MCF2L: variants seen among roughly 807,000 people sequenced by gnomAD.
MCF2L encodes the protein MCF.2 cell line derived transforming sequence like.
Under a neutral mutation model 153.4 loss-of-function variants are expected in MCF2L, and 97 were observed. The ratio of observed to expected loss-of-function variants is 0.63; its 90% CI spans 0.54 to 0.75. MCF2L has a LOEUF of 0.75. Ranked by LOEUF, MCF2L falls within the 30% of genes least tolerant of loss-of-function variation. MCF2L has a pLI of 0.00. For missense variants in MCF2L, 1,347 were observed against 1,495.2 expected (o/e 0.90, Z 1.64); for synonymous variants, 659 against 632.2 (o/e 1.04, Z -0.64).
Position 113,053,656 on chromosome 13 carries a change from T to C in MCF2L, c.370-6937T>C, listed in dbSNP as rs977504388. The stretch of plus-strand genomic sequence containing the variant: ...GAGGTGTCCACTGACCGTTTCTGCC[T>C]GAATGGGTGGTTCGGTGGTGGTTGC... On this transcript the variant is annotated intron_variant, in intron 4 of 29. Transcript: ENST00000535094. The surrounding 1 kb of genome is among the most constrained non-coding windows in gnomAD (Gnocchi z 4.4). Among the ~76,000 whole-genome samples, 14 of 152,196 alleles carry C rather than the reference T, an allele frequency of 9.2e-5. No individual in the cohort carries two copies. Among genetic ancestry groups the C allele is most frequent in the Admixed American group, 3.3e-4 (5 of 15,278 alleles).
intron 2 of MCF2L, among the ~76,000 whole-genome samples, chr13:112,935,604 C>A (rs767385959): frequency 2.0e-5 from 3 of 152,180 alleles, no homozygotes; most frequent in Non-Finnish European, 4.4e-5. Context: ...TTTTGCCCAA[C>A]CGTAGCCTCA....
chr13:112,909,240 G>T (rs1395585880), intron 2 of MCF2L: 4 of 779,692 alleles, frequency 5.1e-6, no homozygotes, highest in African/African-American at 3.4e-5. Flanking sequence ...TCCCTTGCTT[G>T]TGATTCCAGC....
rs937297061 is a variant in MCF2L at position 112,969,299 on chromosome 13, C to T, written c.-81C>T. 4 of 1,527,278 alleles carry T rather than the reference C, an allele frequency of 2.6e-6. No homozygotes were observed. Among genetic ancestry groups the T allele is most frequent in the Admixed American group, 4.0e-5 (2 of 50,246 alleles). 94.6% of individuals were successfully genotyped at this position (1,527,278 alleles called of 1,614,324 possible). A position where few individuals can be genotyped will look rare whatever the true frequency, so the allele number is the denominator to read the frequency against. On this transcript the variant is annotated 5_prime_UTR_variant, in exon 1 of 30. Coordinates refer to ENST00000535094, the MANE Select transcript of MCF2L (RefSeq NM_001112732.3). The surrounding 1 kb of genome is among the most constrained non-coding windows in gnomAD (Gnocchi z 4.8). ...CTCCCCGCCTCCGCCGCGCCCCCTC[C>T]GCACTCGCACGGCCCCACCCGCAGG...
At chr13:112,896,403 C>G (rs7985211) in intron 1 of MCF2L, among the ~76,000 whole-genome samples, 125,290 of 151,888 alleles carry the variant, frequency 0.82, 52,880 homozygotes, top group South Asian at 0.96. Context: ...GGAATCTGAA[C>G]GTTTATTTTG....
intron 3 of MCF2L, among the ~76,000 whole-genome samples, chr13:113,038,460 A>G (rs1408194577): frequency 2.7e-5 from 2 of 74,256 alleles, no homozygotes; most frequent in Non-Finnish European, 5.8e-5. Flanking sequence ...GCGAGCCTCC[A>G]TCTCAAAAAA....
chr13:112,903,977 G>GA (rs2081145533), intron 2 of MCF2L, among the ~76,000 whole-genome samples: 1 of 152,160 alleles, frequency 6.6e-6, no homozygotes, highest in African/African-American at 2.4e-5. Context: ...TGGCTGCCCT[G>GA]ACCTCTGCAA....
chr13:112,915,839 T>C (rs755119895), intron 2 of MCF2L, among the ~76,000 whole-genome samples: 2 of 152,148 alleles, frequency 1.3e-5, no homozygotes, highest in Non-Finnish European at 2.9e-5. Flanking sequence ...CTATTCAATA[T>C]TATACTGGCC....
At chr13:113,018,085 CCACGCAGAA>C (rs1177000378) in intron 2 of MCF2L, among the ~76,000 whole-genome samples, 1 of 152,206 alleles carries the variant, frequency 6.6e-6, no homozygotes, top group Admixed American at 6.5e-5. Flanking sequence ...CGCACAGGTG[CCACGCAGAA>C]CCCTACAGCT....
intron 1 of MCF2L, among the ~76,000 whole-genome samples, chr13:112,971,569 G>A (rs1279004215): frequency 6.6e-6 from 1 of 152,172 alleles, no homozygotes; most frequent in Non-Finnish European, 1.5e-5. Context: ...CTTTGCTGCT[G>A]TCCAGGACAT....
chr13:113,078,766 CA>C, intron 15 of MCF2L, 27 bp downstream of exon 15: 1 of 1,574,108 alleles, frequency 6.4e-7, no homozygotes, highest in Non-Finnish European at 8.6e-7. Context: ...TCTGTCCTCA[CA>C]GGGGCCCTCC....
intron 2 of MCF2L, among the ~76,000 whole-genome samples, chr13:113,016,329 G>A (rs1445098855): frequency 3.3e-5 from 5 of 152,172 alleles, no homozygotes; most frequent in Non-Finnish European, 5.9e-5. Flanking sequence ...AGGAGGCAGA[G>A]GCCGCCTGAC....
At chr13:113,023,277 T>TGAGAA (rs2085013441) in intron 2 of MCF2L, among the ~76,000 whole-genome samples, 1 of 152,072 alleles carries the variant, frequency 6.6e-6, no homozygotes, top group Non-Finnish European at 1.5e-5. Context: ...TGAGAACAAT[T>TGAGAA]GTATCAGATA....
chr13:113,033,630 A>AT, intron 3 of MCF2L, among the ~76,000 whole-genome samples: 1 of 151,952 alleles, frequency 6.6e-6, no homozygotes, highest in South Asian at 2.1e-4. Context: ...CAGCTGGGTG[A>AT]TTTCCCCCCC....
chr13:113,064,693 G>C lies in MCF2L; in HGVS notation c.607-243G>C, dbSNP rs549701605. 1.7e-6 allele frequency: 1 copy of C among 594,784 alleles called. No homozygotes were observed. The highest frequency in any genetic ancestry group is 3.0e-6 in the Non-Finnish European group (1 of 336,366). The allele number at this position is 594,784 out of a possible 1,614,324, so 36.8% of individuals were successfully genotyped here. ...GTTTGCAACACTCACTGCTCTCAACGGGGAGAGGCAGCGCAGGCACAGGCG... is the reference window on the plus strand; with the variant it reads ...GTTTGCAACACTCACTGCTCTCAACCGGGAGAGGCAGCGCAGGCACAGGCG... On this transcript the variant is annotated intron_variant, in intron 6 of 29. Coordinates refer to ENST00000535094, the MANE Select transcript of MCF2L (RefSeq NM_001112732.3). The surrounding 1 kb of genome is among the most constrained non-coding windows in gnomAD (Gnocchi z 6.0).
rs969199344 is a variant in MCF2L, at chr13:113,046,732, C to T, written c.369+1371C>T. The T allele has an allele frequency of 6.1e-6, 3 of 491,830 alleles. No homozygotes were observed. Among genetic ancestry groups the T allele is most frequent in the Non-Finnish European group, 1.3e-5 (3 of 238,796 alleles). The allele number at this position is 491,830 out of a possible 1,614,324, so 30.5% of individuals were successfully genotyped here. On this transcript the variant is annotated intron_variant, in intron 4 of 29. Coordinates refer to ENST00000535094, the MANE Select transcript of MCF2L (RefSeq NM_001112732.3). The surrounding 1 kb of genome is among the most constrained non-coding windows in gnomAD (Gnocchi z 4.4). The stretch of plus-strand genomic sequence containing the variant: ...TGCACCCCCACGGCACCTCTCTGCC[C>T]CTCGCCGCGGCGGATCCCCGTTCCT...
chr13:113,019,466 G>A (rs989827743), intron 2 of MCF2L, among the ~76,000 whole-genome samples: 2 of 152,226 alleles, frequency 1.3e-5, no homozygotes, highest in Admixed American at 6.5e-5. Context: ...TGCCCGTGGG[G>A]GTTTGCCCTT....
At position 113,084,997 on chromosome 13, in the gene MCF2L, A is replaced by G. The variant is rs1319877539; in HGVS notation, c.2154+13A>G. The stretch of plus-strand genomic sequence containing the variant: ...CCCGTTTTTCCAGGTTTGTCCCCGG[A>G]CCTTCCTTTAGAACGTTACTCCCTT... On this transcript the variant is annotated intron_variant, in intron 19 of 29. Coordinates refer to ENST00000535094, the MANE Select transcript of MCF2L (RefSeq NM_001112732.3). 2 of 1,613,560 alleles carry G rather than the reference A, an allele frequency of 1.2e-6. No individual in the cohort carries two copies. Among genetic ancestry groups the G allele is most frequent in the South Asian group, 1.1e-5 (1 of 91,082 alleles).
At chr13:113,085,204 G>A (rs546818) in intron 20 of MCF2L, 26 bp downstream of exon 20, 931,731 of 1,604,148 alleles carry the variant, frequency 0.58, 274,927 homozygotes, top group Non-Finnish European at 0.61. Flanking sequence ...ACCGTGGCCC[G>A]GCCTCCCCAG....
intron 1 of MCF2L, among the ~76,000 whole-genome samples, chr13:112,986,035 G>A (rs1322258810): frequency 2.0e-5 from 3 of 152,268 alleles, no homozygotes; most frequent in Admixed American, 6.5e-5. Flanking sequence ...CCCCAGGGCC[G>A]TGCGTGGGGC....
Sources: gnomAD v4.1 joint callset for allele counts (sites outside exome capture counted in the v4.1 genomes callset) on GRCh38, gnomAD v4.1.1 for gene constraint, Gnocchi (gnomAD v3.1) non-coding constraint, MANE v1.5 for transcripts, NCBI Gene and HGNC (gene_info 2026-07-23, HGNC 2026-07-21) for gene names.